Variants in UBE3B observed in about 807,000 individuals in gnomAD.
UBE3B encodes ubiquitin protein ligase E3B.
UBE3B carries 80 observed loss-of-function variants against 132.3 expected under a neutral mutation model. The ratio of observed to expected loss-of-function variants is 0.60; its 90% CI spans 0.50 to 0.73. The LOEUF is 0.73. Among genes scored for constraint, UBE3B ranks in the 30% least tolerant of loss-of-function variants. The pLI is 0.00. For missense variants in UBE3B, 1,196 were observed against 1,362.5 expected, an observed-to-expected ratio of 0.88 and a Z score of 1.92; for synonymous variants, 487 against 520.4, an observed-to-expected ratio of 0.94 and a Z score of 0.87.
Position 109,534,311 on chromosome 12 carries a change from A to G in UBE3B, c.3016-280A>G. 7.2e-7 allele frequency: 1 copy of G among 1,395,290 alleles called. No individual in the cohort carries two copies. Among genetic ancestry groups the G allele is most frequent in the Middle Eastern group, 2.7e-4 (1 of 3,724 alleles). The allele number at this position is 1,395,290 out of a possible 1,614,324, so 86.4% of individuals were successfully genotyped here. ...GCATTCTACTTTTTGTCAATTGGTT[A>G]ACCAGTAATTCGCTGTGAACCGGAA... On this transcript the variant is annotated intron_variant, in intron 27 of 27. Coordinates refer to ENST00000342494, the MANE Select transcript of UBE3B (RefSeq NM_130466.4). The surrounding 1 kb of genome is among the most constrained non-coding windows in gnomAD (Gnocchi z 5.2).
In UBE3B at chr12:109,521,845, T is replaced by C. The variant is rs1173079040; in HGVS notation, c.2364+294T>C. ...GTCCAGAGTTTCGTTGCTAGTTAAG[T>C]GGTAGAGGTGGAATTTGAACCCAGG... On this transcript the variant is annotated intron_variant, in intron 21 of 27. Coordinates refer to ENST00000342494, the MANE Select transcript of UBE3B (RefSeq NM_130466.4). This position sits in a 1 kb window ranked among gnomAD's most constrained non-coding sequence, Gnocchi z 4.2. Among the ~76,000 whole-genome samples the C allele has an allele frequency of 6.6e-6, 1 of 152,044 alleles. No individual in the cohort carries two copies. The highest frequency in any genetic ancestry group is 1.5e-5 in the Non-Finnish European group (1 of 67,998).
In UBE3B at chr12:109,534,018, G is replaced by A. The variant is rs12578737; in HGVS notation, c.3015+460G>A. 18,487 of 1,295,044 alleles carry A rather than the reference G, an allele frequency of 0.014. 212 individuals are homozygous for A. The highest frequency in any genetic ancestry group is 0.061 in the East Asian group (1,103 of 18,164). 80.2% of individuals were successfully genotyped at this position (1,295,044 alleles called of 1,614,324 possible). A position where few individuals can be genotyped will look rare whatever the true frequency, so the allele number is the denominator to read the frequency against. On this transcript the variant is annotated intron_variant, in intron 27 of 27. Coordinates refer to ENST00000342494, the MANE Select transcript of UBE3B (RefSeq NM_130466.4). The surrounding 1 kb of genome is among the most constrained non-coding windows in gnomAD (Gnocchi z 5.2). Reference sequence around the variant, plus strand: ...GGAGAAGGAAAGCCTTCAGGGTTACGGAGCTCTGTGTGTCTCAAGCCTGGC... The same window carrying A: ...GGAGAAGGAAAGCCTTCAGGGTTACAGAGCTCTGTGTGTCTCAAGCCTGGC...
chr12:109,518,327 A>G (rs911879284), intron 19 of UBE3B, among the ~76,000 whole-genome samples: 2 of 152,182 alleles, frequency 1.3e-5, no homozygotes, highest in African/African-American at 2.4e-5. Context: ...CCATGTGACG[A>G]GGTGGGCTCC....
rs1254468797 is a variant in UBE3B, at chr12:109,535,978, C to T, written c.*1196C>T. The stretch of plus-strand genomic sequence containing the variant: ...CTCCCACCTCATGCTCCTGCACCTG[C>T]ACCACCAAGGTTGATGCCGGATTCG... On this transcript the variant is annotated 3_prime_UTR_variant, in exon 28 of 28. Transcript: ENST00000342494. The T allele has an allele frequency of 6.6e-6, 1 of 152,330 alleles. No homozygotes were observed. Among genetic ancestry groups the T allele is most frequent in the Non-Finnish European group, 1.5e-5 (1 of 68,102 alleles). The allele number at this position is 152,330 out of a possible 1,614,324, so 9.4% of individuals were successfully genotyped here.
At chr12:109,527,634 C>T (rs976978260) in intron 24 of UBE3B, among the ~76,000 whole-genome samples, 1 of 152,234 alleles carries the variant, frequency 6.6e-6, no homozygotes, top group African/African-American at 2.4e-5. Context: ...ATACACCGGC[C>T]TTGCTCCTTG....
intron 23 of UBE3B, among the ~76,000 whole-genome samples, chr12:109,525,071 C>T (rs1882174824): frequency 6.6e-6 from 1 of 152,142 alleles, no homozygotes; most frequent in African/African-American, 2.4e-5. Context: ...AGAAACCACG[C>T]CATGAGCTTC....
chr12:109,492,569 C>T (rs940276788), intron 9 of UBE3B: 9 of 152,096 alleles, frequency 5.9e-5, no homozygotes, highest in Non-Finnish European at 1.0e-4. Context: ...ATGGCCAAAC[C>T]TTGTCTCTAC....
intron 9 of UBE3B, among the ~76,000 whole-genome samples, chr12:109,497,301 A>G (rs1315727596): frequency 6.6e-6 from 1 of 151,764 alleles, no homozygotes; most frequent in Non-Finnish European, 1.5e-5. Context: ...ATATATACTT[A>G]TATATAGTAT....
intron 9 of UBE3B, among the ~76,000 whole-genome samples, chr12:109,493,589 T>G (rs1263174916): frequency 6.6e-6 from 1 of 152,248 alleles, no homozygotes; most frequent in Non-Finnish European, 1.5e-5. Flanking sequence ...TTTTCCCAAA[T>G]AGAACTTTTC....
intron 25 of UBE3B, among the ~76,000 whole-genome samples, chr12:109,530,343 C>T (rs1349627713): frequency 6.6e-6 from 1 of 152,198 alleles, no homozygotes; most frequent in East Asian, 1.9e-4. Flanking sequence ...TTGGGAACAG[C>T]AGGGCCAGCT....
chr12:109,533,357 G>A, intron 26 of UBE3B, 109 bp from the exon 27 acceptor site: 2 of 1,073,928 alleles, frequency 1.9e-6, no homozygotes, highest in South Asian at 1.3e-5. Flanking sequence ...CTAGACAGCA[G>A]TTACAACACG....
In UBE3B at chr12:109,530,862, T is replaced by C. The variant is rs1882870188; in HGVS notation, c.2922+204T>C. 2.6e-5 allele frequency among the ~76,000 whole-genome samples: 4 copies of C among 152,206 alleles called. No individual in the cohort carries two copies. In the South Asian group the frequency reaches 8.3e-4, roughly 32 times the overall value. On this transcript the variant is annotated intron_variant, in intron 26 of 27. Coordinates refer to ENST00000342494, the MANE Select transcript of UBE3B (RefSeq NM_130466.4). ...GGGGCACGGCCGAGCCTGCTGTGTGTCCCTGGCTGCAGGGACAGGCCCCCT... is the reference window on the plus strand; with the variant it reads ...GGGGCACGGCCGAGCCTGCTGTGTGCCCCTGGCTGCAGGGACAGGCCCCCT...
intron 11 of UBE3B, 106 bp downstream of exon 11, chr12:109,498,459 G>A: frequency 7.6e-7 from 1 of 1,323,330 alleles, no homozygotes; most frequent in Non-Finnish European, 1.0e-6. Context: ...GTAACAATTG[G>A]AAGTGCTTAC....
chr12:109,547,543 A>G, the UBE3B span, among the ~76,000 whole-genome samples: 1 of 152,224 alleles, frequency 6.6e-6, no homozygotes, highest in Non-Finnish European at 1.5e-5. This position sits in a 1 kb window ranked among gnomAD's most constrained non-coding sequence, Gnocchi z 4.1. Context: ...GGGGCTATGC[A>G]TGCCTGACCC....
At chr12:109,538,284 C>T (rs886512320), downstream of UBE3B, among the ~76,000 whole-genome samples, 2 of 152,192 alleles carry the variant, frequency 1.3e-5, no homozygotes, top group African/African-American at 4.8e-5. The surrounding 1 kb of genome is among the most constrained non-coding windows in gnomAD (Gnocchi z 4.1). Context: ...AATCCAGGAC[C>T]CCCTTAAGCC....
chr12:109,501,272 C>A, intron 12 of UBE3B, 99 bp from the exon 13 acceptor site: 1 of 1,461,448 alleles, frequency 6.8e-7, no homozygotes, highest in Non-Finnish European at 9.4e-7. Context: ...CAGGTCCTAG[C>A]TACAGCTCCG....
At chr12:109,478,657 T>A (rs142936386) in intron 1 of UBE3B, among the ~76,000 whole-genome samples, 7,159 of 152,240 alleles carry the variant, frequency 0.047, 267 homozygotes, top group Non-Finnish European at 0.066. Flanking sequence ...GGCGGGCGCC[T>A]TTAATCCCAG....
At chr12:109,514,887 T>C (rs1300032120) in intron 18 of UBE3B, among the ~76,000 whole-genome samples, 1 of 151,650 alleles carries the variant, frequency 6.6e-6, no homozygotes, top group South Asian at 2.1e-4. Context: ...CAGTAGTTCC[T>C]CCACTCAGTA....
chr12:109,533,482 C>G lies in UBE3B; in HGVS notation c.2939C>G (p.Ser980Cys), dbSNP rs1165351893. 10 of 1,614,144 alleles carry G rather than the reference C, an allele frequency of 6.2e-6. No homozygotes were observed. Among genetic ancestry groups the G allele is most frequent in the Non-Finnish European group, 8.5e-6 (10 of 1,180,020 alleles). Reference protein sequence around the residue: ...AMFLKFVTSCSRPPLLGFAYL... With the variant: ...AMFLKFVTSCCRPPLLGFAYL... Reference sequence around the variant, plus strand: ...GTGTTGCAGTTCGTGACCAGCTGCTCCAGACCCCCGCTCCTGGGATTCGCC... The same window carrying G: ...GTGTTGCAGTTCGTGACCAGCTGCTGCAGACCCCCGCTCCTGGGATTCGCC... The change falls in exon 27 of 28, where the codon TCC (serine) becomes TGC (cysteine). Residue 980 changes from serine (S) to cysteine (C), a missense_variant. Ser to Cys is a moderately radical substitution (Grantham distance 112, BLOSUM62 -1). Coordinates refer to ENST00000342494, the MANE Select transcript of UBE3B (RefSeq NM_130466.4).
Sources: allele counts gnomAD v4.1 joint callset (sites outside exome capture counted in the v4.1 genomes callset), GRCh38; gene constraint gnomAD v4.1.1; non-coding constraint Gnocchi (gnomAD v3.1); transcripts MANE v1.5; gene names NCBI Gene and HGNC (gene_info 2026-07-23, HGNC 2026-07-21).